The following VAV3 variants were observed in gnomAD, a reference collection of about 807,000 sequenced individuals.
The protein encoded by VAV3 is vav guanine nucleotide exchange factor 3.
A neutral mutation model predicts 131.2 loss-of-function variants in VAV3; 94 were observed. That is an observed-to-expected ratio of 0.72 (90% confidence interval 0.61 to 0.85). The LOEUF (loss-of-function observed/expected upper bound fraction) is 0.85, where lower values mean the gene tolerates loss of function less well. Ranked by LOEUF, VAV3 falls within the 40% of genes least tolerant of loss-of-function variation. The pLI, the probability that VAV3 is intolerant of heterozygous loss-of-function variation, is 0.00. For synonymous variants in VAV3, 349 were observed against 342.0 expected (o/e 1.02, Z -0.22); for missense variants, 939 against 1,002.7 (o/e 0.94, Z 0.86).
intron 17 of VAV3, 190 bp from the exon 18 acceptor site, chr1:107,688,596 C>T (rs1258664429): frequency 1.9e-5 from 28 of 1,439,366 alleles, no homozygotes; most frequent in East Asian, 2.6e-5. Flanking sequence ...ACCCTATTGG[C>T]TTGTCAGGAA....
chr1:107,688,353 T>TA (rs1264015869), intron 18 of VAV3, 28 bp downstream of exon 18: 12 of 1,609,060 alleles, frequency 7.5e-6, no homozygotes, highest in Non-Finnish European at 1.0e-5. Context: ...GCAAAGGTTA[T>TA]AAAAAATATT....
At chr1:107,725,254 C>T (rs959977429) in intron 15 of VAV3, among the ~76,000 whole-genome samples, 1 of 152,154 alleles carries the variant, frequency 6.6e-6, no homozygotes, top group Non-Finnish European at 1.5e-5. Context: ...ATGGTAAAGA[C>T]TTCCCCATAT....
At chr1:107,924,004 A>G (rs1005046072) in intron 1 of VAV3, among the ~76,000 whole-genome samples, 1 of 152,182 alleles carries the variant, frequency 6.6e-6, no homozygotes, top group Non-Finnish European at 1.5e-5. Context: ...TAAGCTCCCC[A>G]GCCTACAGTA....
chr1:107,781,841 TGTCA>T (rs1204849065), intron 2 of VAV3, among the ~76,000 whole-genome samples: 1 of 152,164 alleles, frequency 6.6e-6, no homozygotes, highest in African/African-American at 2.4e-5. Context: ...GATAAAACAT[TGTCA>T]GTGAGTTTGT....
chr1:107,888,012 G>C (rs537775622), intron 1 of VAV3, among the ~76,000 whole-genome samples: 1 of 151,392 alleles, frequency 6.6e-6, no homozygotes. Context: ...TTTGGGGGGG[G>C]GGTTATTTTG....
chr1:107,730,505 T>G (rs1348949682), intron 15 of VAV3, among the ~76,000 whole-genome samples: 3 of 152,168 alleles, frequency 2.0e-5, no homozygotes, highest in Admixed American at 1.3e-4. Context: ...ATTAATCATA[T>G]AAGGCTCAAA....
intron 17 of VAV3, among the ~76,000 whole-genome samples, chr1:107,695,095 C>A (rs1314702626): frequency 6.6e-6 from 1 of 151,946 alleles, no homozygotes; most frequent in East Asian, 1.9e-4. Flanking sequence ...TGTAGATACA[C>A]AGACATAAAA....
intron 1 of VAV3, among the ~76,000 whole-genome samples, chr1:107,935,988 G>C (rs922159590): frequency 6.6e-6 from 1 of 152,152 alleles, no homozygotes; most frequent in African/African-American, 2.4e-5. Context: ...GTGTGTGAGA[G>C]ATGAGGACAC....
At chr1:107,576,171 G>A (rs896971278) in intron 25 of VAV3, among the ~76,000 whole-genome samples, 2 of 151,810 alleles carry the variant, frequency 1.3e-5, no homozygotes, top group Non-Finnish European at 2.9e-5. Flanking sequence ...ATAAATTATA[G>A]AATGTCTCAT....
rs552661712 is a variant in VAV3, at chr1:107,603,036, G to A, written c.2132+11C>T. The A allele has an allele frequency of 6.3e-7, 1 of 1,584,840 alleles. No individual in the cohort carries two copies. Among genetic ancestry groups the A allele is most frequent in the African/African-American group, 1.3e-5 (1 of 74,280 alleles). ...GAAATCTATTTCTGTAAAAGTACTTGTCCTACTTACTTAATGCTAATTGCA... is the reference window on the plus strand; with the variant it reads ...GAAATCTATTTCTGTAAAAGTACTTATCCTACTTACTTAATGCTAATTGCA... On this transcript the variant is annotated intron_variant, in intron 23 of 26. Transcript: ENST00000370056.
At position 107,751,154 on chromosome 1, in the gene VAV3, G is replaced by A. The variant is rs866678009; in HGVS notation, c.1222C>T (p.Arg408Ter). ...FGRPQGDGEI[R>*]ITTLDKHTKQ... ...GTATGCTTGTCTAGAGTGGTTATTC[G>A]AATTTCACCATCTCCCTGAGGTCGT... is the stretch of plus-strand genomic sequence containing the variant. Residue 408 changes from arginine to a stop codon, truncating the protein, a stop_gained, in exon 13 of 27, where the codon CGA becomes TGA. Transcript: ENST00000370056. LOFTEE classifies it high-confidence loss of function. The A allele has an allele frequency of 3.2e-5, 51 of 1,612,508 alleles. No individual in the cohort carries two copies. The highest frequency in any genetic ancestry group is 4.2e-5 in the Non-Finnish European group (49 of 1,179,528).
In VAV3 at chr1:107,798,593, C is replaced by T. The variant is rs1666667738; in HGVS notation, c.322-19101G>A. On this transcript the variant is annotated intron_variant, in intron 2 of 26. Transcript: ENST00000370056. ...AATTAGCCGGGCGTGGTGGTGGGCA[C>T]CTGTAGTCCCAGCTACTCAGGAGGC... 2.0e-5 allele frequency among the ~76,000 whole-genome samples: 3 copies of T among 151,704 alleles called. No homozygotes were observed. In the South Asian group the frequency reaches 6.2e-4, roughly 32 times the overall value.
chr1:107,576,416 G>A, intron 25 of VAV3: 1 of 1,524,034 alleles, frequency 6.6e-7, no homozygotes, highest in Non-Finnish European at 8.8e-7. Flanking sequence ...GTGGAAGAAG[G>A]GGGAACAAAG....
intron 20 of VAV3, among the ~76,000 whole-genome samples, chr1:107,638,976 C>T (rs1307511738): frequency 6.6e-6 from 1 of 151,752 alleles, no homozygotes; most frequent in African/African-American, 2.4e-5. Context: ...TATATATACA[C>T]ACACATATAT....
intron 1 of VAV3, among the ~76,000 whole-genome samples, chr1:107,918,457 T>C (rs1232777363): frequency 2.6e-5 from 4 of 151,962 alleles, no homozygotes; most frequent in African/African-American, 9.7e-5. Context: ...ACCTGGATTG[T>C]TGCAAACCAA....
At chr1:107,862,479 A>T (rs1379742315) in intron 2 of VAV3, among the ~76,000 whole-genome samples, 1 of 151,536 alleles carries the variant, frequency 6.6e-6, no homozygotes, top group Non-Finnish European at 1.5e-5. Flanking sequence ...TCTTGTTGAT[A>T]GGAAATACAC....
At chr1:107,636,608 A>C (rs1488138210) in intron 20 of VAV3, among the ~76,000 whole-genome samples, 4 of 152,330 alleles carry the variant, frequency 2.6e-5, no homozygotes, top group Non-Finnish European at 4.4e-5. Flanking sequence ...TTATTTTATA[A>C]TAAAATATTG....
chr1:107,839,252 A>G (rs941416858), intron 2 of VAV3, among the ~76,000 whole-genome samples: 7 of 152,228 alleles, frequency 4.6e-5, no homozygotes, highest in Non-Finnish European at 1.0e-4. Flanking sequence ...ATGACCAAAT[A>G]CAAAACTGAT....
chr1:107,830,336 G>A (rs1381272633), intron 2 of VAV3, among the ~76,000 whole-genome samples: 2 of 151,152 alleles, frequency 1.3e-5, no homozygotes, highest in Non-Finnish European at 3.0e-5. Context: ...CTGAGAAGCT[G>A]GGACTACAGG....
Sources: allele counts gnomAD v4.1 joint callset (sites outside exome capture counted in the v4.1 genomes callset), GRCh38; gene constraint gnomAD v4.1.1; transcripts MANE v1.5; gene names NCBI Gene and HGNC (gene_info 2026-07-23, HGNC 2026-07-21).